The following PRKN variants were observed in gnomAD, a reference collection of about 807,000 sequenced individuals.
PRKN encodes parkin RBR E3 ubiquitin protein ligase.
In PRKN, 56 loss-of-function variants were observed where a neutral mutation model predicts 59.5. That is an observed-to-expected ratio of 0.94 (90% CI 0.76 to 1.18). The LOEUF (loss-of-function observed/expected upper bound fraction) is 1.18, where lower values mean the gene tolerates loss of function less well. PRKN is among the 50% of genes most tolerant of loss of function. The pLI is 0.00. For missense variants in PRKN, 657 were observed against 596.4 expected (o/e 1.10, Z -1.06); for synonymous variants, 250 against 222.1 (o/e 1.13, Z -1.12).
At chr6:161,707,431 C>T (rs2128181174) in intron 7 of PRKN, among the ~76,000 whole-genome samples, 1 of 152,278 alleles carries the variant, frequency 6.6e-6, no homozygotes, top group South Asian at 2.1e-4. Context: ...GAATCTCTTT[C>T]TCCAATAGGA....
In PRKN at chr6:161,808,103, T is replaced by C. The variant is rs371228497; in HGVS notation, c.735-22195A>G. Among the ~76,000 whole-genome samples the C allele has an allele frequency of 2.2e-4, 33 of 152,298 alleles. No individual in the cohort carries two copies. The East Asian group carries it at 4.1e-3, about 19-fold the overall frequency. ...AATAAGGTACCCCTAACTTTTACCA[T>C]TGCATAGCTCAGGCAGGACTAGTAT... On this transcript the variant is annotated intron_variant, in intron 6 of 11. Coordinates refer to ENST00000366898, the MANE Select transcript of PRKN (RefSeq NM_004562.3).
intron 7 of PRKN, among the ~76,000 whole-genome samples, chr6:161,637,947 G>A (rs1002900045): frequency 1.3e-5 from 2 of 152,166 alleles, no homozygotes; most frequent in South Asian, 2.1e-4. Context: ...AATAGCTAGA[G>A]GTAGAGTTGG....
rs78525648 is a variant in PRKN, at chr6:162,251,390, G to T, written c.412+11135C>A. ...GGCCTCAACCATTATGGAATATGAT[G>T]ATCAAAGGGGAGCCCAGGTTATGTA... On this transcript the variant is annotated intron_variant, in intron 3 of 11. Transcript: ENST00000366898. 4.4e-3 allele frequency among the ~76,000 whole-genome samples: 668 copies of T among 152,202 alleles called. 4 individuals are homozygous for T. Among genetic ancestry groups the T allele is most frequent in the African/African-American group, 0.015 (626 of 41,524 alleles).
intron 7 of PRKN, among the ~76,000 whole-genome samples, chr6:161,618,041 C>A (rs1782760331): frequency 6.6e-6 from 1 of 152,238 alleles, no homozygotes; most frequent in African/African-American, 2.4e-5. Context: ...TCTCCACTTC[C>A]ACACTGAAGC....
Position 162,502,006 on chromosome 6 carries a change from A to G in PRKN, c.8-58533T>C, listed in dbSNP as rs145092863. Among the ~76,000 whole-genome samples, 145 of 152,326 alleles carry G rather than the reference A, an allele frequency of 9.5e-4. 1 individual carries two copies. In the South Asian group the frequency reaches 0.016, roughly 17 times the overall value. Reference sequence around the variant, plus strand: ...TTAATAGGTCATCTATCTAGAAAGAATGGCAAAGAGGAAGACCAGGGTGGG... The same window carrying G: ...TTAATAGGTCATCTATCTAGAAAGAGTGGCAAAGAGGAAGACCAGGGTGGG... On this transcript the variant is annotated intron_variant, in intron 1 of 11. Coordinates refer to ENST00000366898, the MANE Select transcript of PRKN (RefSeq NM_004562.3).
At position 161,402,396 on chromosome 6, in the gene PRKN, A is replaced by T. The variant is rs1181770212; in HGVS notation, c.1084-15519T>A. On this transcript the variant is annotated intron_variant, in intron 9 of 11. Transcript: ENST00000366898. This position sits in a 1 kb window ranked among gnomAD's most constrained non-coding sequence, Gnocchi z 4.5. The stretch of plus-strand genomic sequence containing the variant: ...TTAAATGACAGCTAAAGAGCAAGTG[A>T]CTGTGTCCCAGGGCGGCTGAGATAA... Among the ~76,000 whole-genome samples, 1 of 152,172 alleles carries T rather than the reference A, an allele frequency of 6.6e-6. No individual in the cohort carries two copies. The highest frequency in any genetic ancestry group is 2.1e-4 in the South Asian group (1 of 4,826).
chr6:161,732,637 A>T (rs537608266), intron 7 of PRKN, among the ~76,000 whole-genome samples: 2 of 152,316 alleles, frequency 1.3e-5, no homozygotes, highest in East Asian at 3.9e-4. Context: ...AAAAGTGAGA[A>T]CATGCAACAT....
Position 162,320,697 on chromosome 6 carries a change from C to G in PRKN, c.172-57932G>C, listed in dbSNP as rs114601023. Among the ~76,000 whole-genome samples the G allele has an allele frequency of 1.0e-2, 1,516 of 151,616 alleles. 34 individuals are homozygous for G. The highest frequency in any genetic ancestry group is 0.034 in the African/African-American group (1,411 of 41,444). Reference sequence around the variant, plus strand: ...TTTTCATGAAAGGCTAATCATATACCTCATATGGTCTAGCCATTCCACTCT... The same window carrying G: ...TTTTCATGAAAGGCTAATCATATACGTCATATGGTCTAGCCATTCCACTCT... On this transcript the variant is annotated intron_variant, in intron 2 of 11. Coordinates refer to ENST00000366898, the MANE Select transcript of PRKN (RefSeq NM_004562.3).
intron 1 of PRKN, among the ~76,000 whole-genome samples, chr6:162,459,016 C>T (rs766851217): frequency 1.1e-4 from 17 of 152,014 alleles, no homozygotes; most frequent in Admixed American, 5.9e-4. Context: ...AGACGGGATT[C>T]GCCTTGTTGG....
chr6:161,664,497 G>A (rs776403004), intron 7 of PRKN, among the ~76,000 whole-genome samples: 19 of 151,928 alleles, frequency 1.3e-4, no homozygotes, highest in African/African-American at 3.9e-4. Flanking sequence ...TCTTAGAACC[G>A]GTATCCTTTA....
At chr6:162,057,205 C>T (rs1157524614) in intron 4 of PRKN, among the ~76,000 whole-genome samples, 1 of 152,194 alleles carries the variant, frequency 6.6e-6, no homozygotes, top group Non-Finnish European at 1.5e-5. Flanking sequence ...TTTCTTTGCA[C>T]ATCCCACTGT....
chr6:162,157,889 CATA>C lies in PRKN; in HGVS notation c.534+43239_534+43241del, dbSNP rs202191492. Reference sequence around the variant, plus strand: ...TGTATTTTATCAACAGCTTGTCTTCCATAATAATAATACTTTCAGTCCTCTGGT... The same window carrying C: ...TGTATTTTATCAACAGCTTGTCTTCCATAATAATACTTTCAGTCCTCTGGT... On this transcript the variant is annotated intron_variant, in intron 4 of 11. Coordinates refer to ENST00000366898, the MANE Select transcript of PRKN (RefSeq NM_004562.3). Among the ~76,000 whole-genome samples, 1,518 of 152,076 alleles carry C rather than the reference CATA, an allele frequency of 1.0e-2. 31 individuals are homozygous for C. Among genetic ancestry groups the C allele is most frequent in the African/African-American group, 0.033 (1,369 of 41,380 alleles).
intron 2 of PRKN, among the ~76,000 whole-genome samples, chr6:162,395,389 T>C (rs1368624414): frequency 2.0e-4 from 31 of 152,218 alleles, no homozygotes; most frequent in Admixed American, 2.0e-3. Context: ...TGAAGGCCCT[T>C]GGCCAACAGC....
intron 5 of PRKN, among the ~76,000 whole-genome samples, chr6:162,018,212 G>C (rs1405517554): frequency 4.6e-5 from 7 of 152,074 alleles, no homozygotes; most frequent in Non-Finnish European, 1.0e-4. Context: ...GTTTTTAGTA[G>C]AGATGGGGTT....
intron 2 of PRKN, among the ~76,000 whole-genome samples, chr6:162,297,256 C>T (rs1427838819): frequency 1.3e-5 from 2 of 149,068 alleles, no homozygotes; most frequent in Non-Finnish European, 3.0e-5. Flanking sequence ...GAAGAATATA[C>T]ATGGGACCTA....
At chr6:161,559,817 A>G (rs1780384848) in intron 8 of PRKN, among the ~76,000 whole-genome samples, 1 of 152,176 alleles carries the variant, frequency 6.6e-6, no homozygotes, top group African/African-American at 2.4e-5. Flanking sequence ...TAGAACTTGG[A>G]TGAACCAAAA....
At chr6:161,879,321 G>A (rs1409696573) in intron 6 of PRKN, among the ~76,000 whole-genome samples, 5 of 150,286 alleles carry the variant, frequency 3.3e-5, no homozygotes, top group Non-Finnish European at 5.9e-5. Flanking sequence ...CATTCTGTAT[G>A]GTCATTATGA....
chr6:162,266,223 C>CTGAATCTA, intron 2 of PRKN, among the ~76,000 whole-genome samples: 1 of 152,130 alleles, frequency 6.6e-6, no homozygotes, highest in Middle Eastern at 3.4e-3. Flanking sequence ...TCTCCCTCAT[C>CTGAATCTA]TGAATCTAAA....
At chr6:161,600,285 C>T (rs1782060707) in intron 7 of PRKN, among the ~76,000 whole-genome samples, 1 of 152,132 alleles carries the variant, frequency 6.6e-6, no homozygotes, top group Admixed American at 6.5e-5. Flanking sequence ...CTTCAAATCC[C>T]ATCACCCTCT....
Sources: allele counts gnomAD v4.1 joint callset (sites outside exome capture counted in the v4.1 genomes callset), GRCh38; gene constraint gnomAD v4.1.1; non-coding constraint Gnocchi (gnomAD v3.1); transcripts MANE v1.5; gene names NCBI Gene and HGNC (gene_info 2026-07-23, HGNC 2026-07-21).